SMOX: variants seen among roughly 807,000 people sequenced by gnomAD.
SMOX encodes the protein spermine oxidase.
Under a neutral mutation model 51.0 loss-of-function variants are expected in SMOX, and 22 were observed. The ratio of observed to expected loss-of-function variants is 0.43; its 90% confidence interval spans 0.31 to 0.62. The LOEUF is 0.62. Ranked by LOEUF, SMOX falls within the 20% of genes least tolerant of loss-of-function variation. The pLI, the probability that SMOX is intolerant of heterozygous loss-of-function variation, is 0.10. For synonymous variants in SMOX, 282 were observed against 307.8 expected (o/e 0.92, Z 0.88); for missense variants, 566 against 777.7 (o/e 0.73, Z 3.24).
At chr20:4,162,070 G>A (rs1986355026) in intron 1 of SMOX, among the ~76,000 whole-genome samples, 1 of 151,912 alleles carries the variant, frequency 6.6e-6, no homozygotes, top group South Asian at 2.1e-4. Context: ...GCGGCAGGTC[G>A]TGTGCCTCCT....
At chr20:4,175,002 T>A in intron 1 of SMOX, 28 bp from the exon 2 acceptor site, 1 of 1,604,622 alleles carries the variant, frequency 6.2e-7, no homozygotes. Context: ...GCAGAGCCAC[T>A]AAGCTGTGAC....
chr20:4,170,214 G>T lies in SMOX; in HGVS notation c.-26-4816G>T. Among the ~76,000 whole-genome samples the T allele has an allele frequency of 6.6e-6, 1 of 152,084 alleles. No homozygotes were observed. Among genetic ancestry groups the T allele is most frequent in the Non-Finnish European group, 1.5e-5 (1 of 68,016 alleles). ...TGGAGGTGACATGATTCAGGCTGTG[G>T]AGTTGCCATGGCTTGACCCGATGTA... On this transcript the variant is annotated intron_variant, in intron 1 of 6. Transcript: ENST00000305958. This position sits in a 1 kb window ranked among gnomAD's most constrained non-coding sequence, Gnocchi z 4.6.
rs552200582 is a variant in SMOX, at chr20:4,153,379, C to T, written c.-27+4402C>T. ...AGGTCACATGCTTGAGTGCCTTCTC[C>T]TTGTAGACTCTGAAAGGAGGAAAGG... On this transcript the variant is annotated intron_variant, in intron 1 of 6. Transcript: ENST00000305958. The surrounding 1 kb of genome is among the most constrained non-coding windows in gnomAD (Gnocchi z 4.4). Among the ~76,000 whole-genome samples the T allele has an allele frequency of 3.9e-5, 6 of 152,274 alleles. 1 individual carries two copies. In the South Asian group the frequency reaches 1.2e-3, roughly 32 times the overall value.
At chr20:4,179,763 G>A (rs931506525) in intron 3 of SMOX, among the ~76,000 whole-genome samples, 5 of 152,138 alleles carry the variant, frequency 3.3e-5, no homozygotes. Context: ...TGTAAAATGG[G>A]CATGGTGGTA....
At chr20:4,164,626 G>A (rs1986475021) in intron 1 of SMOX, among the ~76,000 whole-genome samples, 1 of 152,254 alleles carries the variant, frequency 6.6e-6, no homozygotes, top group Non-Finnish European at 1.5e-5. Context: ...TGATTTGTGT[G>A]TGTGTGTGTG....
chr20:4,184,469 C>T (rs1979588076), intron 6 of SMOX, among the ~76,000 whole-genome samples: 1 of 150,298 alleles, frequency 6.7e-6, no homozygotes, highest in Non-Finnish European at 1.5e-5. Flanking sequence ...GTTTAGATTA[C>T]TGATGCTCCA....
intron 1 of SMOX, among the ~76,000 whole-genome samples, chr20:4,169,659 TTGGGGGTAGGC>T (rs1986735608): frequency 6.6e-6 from 1 of 151,918 alleles, no homozygotes; most frequent in South Asian, 2.1e-4. Context: ...TGCCTGTGCT[TTGGGGGTAGGC>T]TGGGGGTCAG....
chr20:4,160,352 G>A (rs953266918), intron 1 of SMOX, among the ~76,000 whole-genome samples: 1 of 152,138 alleles, frequency 6.6e-6, no homozygotes, highest in Admixed American at 6.5e-5. Context: ...TGGGAGAATC[G>A]TTGAGCCAGG....
chr20:4,151,258 A>C (rs796426585), intron 1 of SMOX, among the ~76,000 whole-genome samples: 6 of 151,390 alleles, frequency 4.0e-5, no homozygotes, highest in African/African-American at 1.5e-4. Context: ...TTAAGGCCCC[A>C]GGCTACCTGC....
In SMOX at chr20:4,153,402, AG is replaced by A; in HGVS notation, c.-27+4427del. 6.6e-6 allele frequency among the ~76,000 whole-genome samples: 1 copy of A among 152,266 alleles called. No homozygotes were observed. ...TCCTTGTAGACTCTGAAAGGAGGAA[AG>A]GCTTCCCCTGGGATGCCAGGCTGAG... On this transcript the variant is annotated intron_variant, in intron 1 of 6. Transcript: ENST00000305958. The surrounding 1 kb of genome is among the most constrained non-coding windows in gnomAD (Gnocchi z 4.4).
At chr20:4,165,477 G>A (rs776308636) in intron 1 of SMOX, among the ~76,000 whole-genome samples, 2 of 152,204 alleles carry the variant, frequency 1.3e-5, no homozygotes, top group Admixed American at 6.5e-5. Context: ...TGGAATTACA[G>A]GCATGAGCCA....
At chr20:4,150,512 A>C (rs925787431) in intron 1 of SMOX, among the ~76,000 whole-genome samples, 30 of 152,188 alleles carry the variant, frequency 2.0e-4, no homozygotes, top group African/African-American at 7.2e-4. Context: ...CTCAGCTCCA[A>C]ATGTTGGAGG....
intron 3 of SMOX, among the ~76,000 whole-genome samples, chr20:4,180,536 C>A (rs1979242756): frequency 6.6e-6 from 1 of 152,212 alleles, no homozygotes; most frequent in Admixed American, 6.5e-5. Flanking sequence ...GGCATGTGAT[C>A]CTGCCGCCTT....
chr20:4,155,350 T>C (rs1483057786), intron 1 of SMOX, among the ~76,000 whole-genome samples: 1 of 152,010 alleles, frequency 6.6e-6, no homozygotes, highest in Non-Finnish European at 1.5e-5. Flanking sequence ...CTGTCACTGA[T>C]GGTTACATGA....
intron 1 of SMOX, among the ~76,000 whole-genome samples, chr20:4,165,254 C>T (rs998377800): frequency 1.2e-4 from 18 of 152,070 alleles, no homozygotes; most frequent in Non-Finnish European, 1.3e-4. Context: ...CGGGTTTTCA[C>T]CATGTTGGCC....
Position 4,181,707 on chromosome 20 carries a change from G to A in SMOX, c.436-96G>A. The A allele has an allele frequency of 2.1e-6, 3 of 1,423,208 alleles. No homozygotes were observed. Among genetic ancestry groups the A allele is most frequent in the Non-Finnish European group, 2.9e-6 (3 of 1,035,936 alleles). The allele number at this position is 1,423,208 out of a possible 1,614,324, so 88.2% of individuals were successfully genotyped here. ...GAGACCAGGGGCTCAGTGCATCCAGGGGACACCTGGGAACTGGTGGGTTTG... is the reference window on the plus strand; with the variant it reads ...GAGACCAGGGGCTCAGTGCATCCAGAGGACACCTGGGAACTGGTGGGTTTG... On this transcript the variant is annotated intron_variant, in intron 3 of 6. Coordinates refer to ENST00000305958, the MANE Select transcript of SMOX (RefSeq NM_175839.3). This position sits in a 1 kb window ranked among gnomAD's most constrained non-coding sequence, Gnocchi z 5.6.
rs1031183166 is a variant in SMOX, at chr20:4,170,894, G to A, written c.-26-4136G>A. Among the ~76,000 whole-genome samples the A allele has an allele frequency of 1.3e-5, 2 of 152,160 alleles. No homozygotes were observed. Among genetic ancestry groups the A allele is most frequent in the Non-Finnish European group, 2.9e-5 (2 of 68,032 alleles). On this transcript the variant is annotated intron_variant, in intron 1 of 6. Coordinates refer to ENST00000305958, the MANE Select transcript of SMOX (RefSeq NM_175839.3). This position sits in a 1 kb window ranked among gnomAD's most constrained non-coding sequence, Gnocchi z 4.6. Reference sequence around the variant, plus strand: ...TTGGATGAAATTGCCAGGGGACCGGGGGGTGCACTCATGCCCTGGCTGGCC... The same window carrying A: ...TTGGATGAAATTGCCAGGGGACCGGAGGGTGCACTCATGCCCTGGCTGGCC...
intron 1 of SMOX, among the ~76,000 whole-genome samples, chr20:4,161,119 C>T (rs897905908): frequency 2.6e-5 from 4 of 152,230 alleles, no homozygotes; most frequent in African/African-American, 9.6e-5. Flanking sequence ...GGCTGCGGCT[C>T]CTGGCAGGGA....
chr20:4,151,243 C>T (rs1373845980), intron 1 of SMOX, among the ~76,000 whole-genome samples: 2 of 151,950 alleles, frequency 1.3e-5, no homozygotes, highest in Non-Finnish European at 2.9e-5. Context: ...GCTCTGACTC[C>T]ACTGTTAAGG....
Sources: allele counts gnomAD v4.1 joint callset (sites outside exome capture counted in the v4.1 genomes callset), GRCh38; gene constraint gnomAD v4.1.1; non-coding constraint Gnocchi (gnomAD v3.1); transcripts MANE v1.5; gene names NCBI Gene and HGNC (gene_info 2026-07-23, HGNC 2026-07-21).